WNK1: variants seen among roughly 807,000 people sequenced by gnomAD.
WNK1 encodes the protein serine/threonine-protein kinase WNK1.
In WNK1, 38 loss-of-function variants were observed where a neutral mutation model predicts 222.8. The ratio of observed to expected loss-of-function variants is 0.17; its 90% CI spans 0.13 to 0.22. WNK1 has a LOEUF of 0.22. Among genes scored for constraint, WNK1 ranks in the 10% least tolerant of loss-of-function variants. The pLI, the probability that WNK1 is intolerant of heterozygous loss-of-function variation, is 1.00. For synonymous variants in WNK1, 1,090 were observed against 1,092.9 expected, an observed-to-expected ratio of 1.00 and a Z score of 0.05; for missense variants, 2,348 against 2,918.4, an observed-to-expected ratio of 0.80 and a Z score of 4.50.
In WNK1 at chr12:884,021, G is replaced by C. The variant is rs1279532094; in HGVS notation, c.3722-100G>C. 1 of 1,561,190 alleles carries C rather than the reference G, an allele frequency of 6.4e-7. No homozygotes were observed. The highest frequency in any genetic ancestry group is 1.4e-5 in the African/African-American group (1 of 73,252). On this transcript the variant is annotated intron_variant, in intron 17 of 27. Transcript: ENST00000315939. This position sits in a 1 kb window ranked among gnomAD's most constrained non-coding sequence, Gnocchi z 5.6. ...CCAGCCTGGGTGAGAGAATGAGACC[G>C]TGCCTCAAAAAAAGCAGTTGTATGT...
Position 883,552 on chromosome 12 carries a change from G to A in WNK1, c.3647G>A (p.Gly1216Asp), listed in dbSNP as rs757939257. 14 of 1,614,056 alleles carry A rather than the reference G, an allele frequency of 8.7e-6. No homozygotes were observed. Among genetic ancestry groups the A allele is most frequent in the Non-Finnish European group, 5.9e-6 (7 of 1,180,028 alleles). Reference protein sequence around the residue: ...LESLQGKDDYGFSGSQKLEGE... With the variant: ...LESLQGKDDYDFSGSQKLEGE... ...AGTCTACAAGGAAAGGATGACTATG[G>A]CTTTTCAGGTTCTCAGGTAGGTTCA... Residue 1216 changes from glycine to aspartate, a missense_variant, in exon 16 of 28, where the codon GGC becomes GAC. By Grantham distance (94) the Gly-to-Asp change is moderately conservative. This residue lies in a region of WNK1 where 1,144 missense variants were observed against 1,273.6 expected (regional missense o/e 0.90). Transcript: ENST00000315939.
intron 2 of WNK1, among the ~76,000 whole-genome samples, chr12:817,544 T>C (rs528502434): frequency 1.3e-5 from 2 of 152,298 alleles, no homozygotes; most frequent in South Asian, 4.1e-4. Context: ...GCGTGCTTTT[T>C]GGACCTTTCG....
intron 1 of WNK1, among the ~76,000 whole-genome samples, chr12:760,940 A>ATTTT (rs11284313): frequency 7.7e-6 from 1 of 130,088 alleles, no homozygotes; most frequent in East Asian, 2.1e-4. Flanking sequence ...CACCCGGCTA[A>ATTTT]TTTTTTTTTT....
intron 4 of WNK1, 130 bp downstream of exon 4, chr12:830,290 G>A: frequency 1.9e-6 from 2 of 1,059,754 alleles, no homozygotes; most frequent in Non-Finnish European, 2.8e-6. Context: ...GGGGTTGGGG[G>A]GGTGGTGTTG....
chr12:859,535 G>A (rs1951030289), intron 6 of WNK1, 71 bp downstream of exon 6: 2 of 1,263,414 alleles, frequency 1.6e-6, no homozygotes, highest in East Asian at 2.3e-5. Context: ...AAGCAAAAAA[G>A]CAGTTGATGA....
chr12:762,306 T>C (rs11064520), intron 1 of WNK1, among the ~76,000 whole-genome samples: 2 of 146,026 alleles, frequency 1.4e-5, no homozygotes, highest in East Asian at 3.9e-4. Flanking sequence ...GTGATCCATC[T>C]GCCTCTGCCT....
chr12:757,731 A>G (rs1355067519), intron 1 of WNK1, among the ~76,000 whole-genome samples: 1 of 125,468 alleles, frequency 8.0e-6, no homozygotes, highest in Admixed American at 7.6e-5. Flanking sequence ...AGATAGCATA[A>G]TTTCCTTTAA....
chr12:771,970 T>C (rs1306454404), intron 1 of WNK1, among the ~76,000 whole-genome samples: 1 of 149,398 alleles, frequency 6.7e-6, no homozygotes, highest in Admixed American at 6.7e-5. Flanking sequence ...GAAGCTTACT[T>C]TTTTTTTTTG....
At chr12:782,949 G>A (rs1177096770) in intron 1 of WNK1, among the ~76,000 whole-genome samples, 1 of 151,638 alleles carries the variant, frequency 6.6e-6, no homozygotes, top group African/African-American at 2.4e-5. Flanking sequence ...CCAGGCTGGA[G>A]TGCAGTGAGT....
chr12:759,531 A>C (rs545065586), intron 1 of WNK1, among the ~76,000 whole-genome samples: 1 of 147,276 alleles, frequency 6.8e-6, no homozygotes, highest in African/African-American at 2.4e-5. Flanking sequence ...GGGTTTCACC[A>C]TGTTGGCCAG....
In WNK1 at chr12:911,038, G is replaced by A. The variant is rs545392160; in HGVS notation, c.*2246G>A. 2 of 342,622 alleles carry A rather than the reference G, an allele frequency of 5.8e-6. No individual in the cohort carries two copies. Among genetic ancestry groups the A allele is most frequent in the African/African-American group, 2.1e-5 (1 of 47,634 alleles). The allele number at this position is 342,622 out of a possible 1,614,324, so 21.2% of individuals were successfully genotyped here. A position where few individuals can be genotyped will look rare whatever the true frequency, so the allele number is the denominator to read the frequency against. ...TGCAGCACATTATCATTTGTTATTT[G>A]GGTTTAATAATAATTTTGACATCTT... On this transcript the variant is annotated 3_prime_UTR_variant, in exon 28 of 28. Coordinates refer to ENST00000315939, the MANE Select transcript of WNK1 (RefSeq NM_018979.4).
intron 2 of WNK1, among the ~76,000 whole-genome samples, chr12:823,277 C>T (rs995396397): frequency 6.6e-5 from 10 of 152,114 alleles, no homozygotes; most frequent in African/African-American, 2.4e-4. Context: ...TTGCATTTAT[C>T]CTTAGAGTTT....
At chr12:799,164 C>A (rs1048319726) in intron 1 of WNK1, among the ~76,000 whole-genome samples, 1 of 152,138 alleles carries the variant, frequency 6.6e-6, no homozygotes, top group Non-Finnish European at 1.5e-5. Flanking sequence ...TGCTCTGTTG[C>A]CCAGGCTGGA....
At chr12:794,877 A>G (rs913021020) in intron 1 of WNK1, among the ~76,000 whole-genome samples, 7 of 152,134 alleles carry the variant, frequency 4.6e-5, no homozygotes, top group African/African-American at 1.7e-4. Context: ...TCTGTCTCCC[A>G]AGTAGCTAAG....
chr12:874,984 A>G (rs1048785323), intron 9 of WNK1, among the ~76,000 whole-genome samples: 13 of 152,206 alleles, frequency 8.5e-5, no homozygotes, highest in Admixed American at 8.5e-4. Context: ...GACTTTGATT[A>G]TAAGTTAGAC....
chr12:886,013 C>G lies in WNK1; in HGVS notation c.5209C>G (p.Pro1737Ala), dbSNP rs577485048. The G allele has an allele frequency of 7.5e-5, 120 of 1,593,234 alleles. No individual in the cohort carries two copies. In the East Asian group the frequency reaches 2.4e-3, roughly 32 times the overall value. Residue 1737 changes from proline to alanine, a missense_variant, in exon 19 of 28, where the codon CCA (proline) becomes GCA (alanine). Coordinates refer to ENST00000315939, the MANE Select transcript of WNK1 (RefSeq NM_018979.4). ...GGTCACACCTGGGCAAGTTTCTACC[C>G]CAGTCAGCACTACTACATCAGGAGT... ...PVVTPGQVST[P>A]VSTTTSGVKP...
chr12:861,738 A>G (rs1461397081), intron 7 of WNK1, among the ~76,000 whole-genome samples: 1 of 152,324 alleles, frequency 6.6e-6, no homozygotes, highest in East Asian at 1.9e-4. Flanking sequence ...CTAAAAACTA[A>G]TGAGAACACT....
At chr12:881,042 G>A in intron 12 of WNK1, 43 bp downstream of exon 12, 1 of 1,610,604 alleles carries the variant, frequency 6.2e-7, no homozygotes. Context: ...ACGTATATAT[G>A]TAATTGGACA....
intron 9 of WNK1, among the ~76,000 whole-genome samples, chr12:873,936 G>A (rs1215313065): frequency 6.6e-6 from 1 of 151,726 alleles, no homozygotes; most frequent in African/African-American, 2.4e-5. Context: ...GTAGGGTCTC[G>A]TATAGTGATA....
Sources: allele counts gnomAD v4.1 joint callset (sites outside exome capture counted in the v4.1 genomes callset), GRCh38; gene constraint gnomAD v4.1.1; regional missense constraint gnomAD v4.1.1; non-coding constraint Gnocchi (gnomAD v3.1); transcripts MANE v1.5; gene names NCBI Gene and HGNC (gene_info 2026-07-23, HGNC 2026-07-21).